Variants in EIF3H observed in about 807,000 individuals in gnomAD.
EIF3H encodes eukaryotic translation initiation factor 3 subunit H, also known as eIF-3-gamma.
EIF3H carries 26 observed loss-of-function variants against 44.2 expected under a neutral mutation model. The ratio of observed to expected loss-of-function variants is 0.59; its 90% CI spans 0.43 to 0.82. The LOEUF (loss-of-function observed/expected upper bound fraction) is 0.82, where lower values mean the gene tolerates loss of function less well. Ranked by LOEUF, EIF3H falls within the 40% of genes least tolerant of loss-of-function variation. The probability of loss-of-function intolerance (pLI) is 0.00; values close to 1 mark genes in which losing one functional copy is unlikely to be tolerated. For missense variants in EIF3H, 359 were observed against 432.8 expected (o/e 0.83, Z 1.51); for synonymous variants, 166 against 151.9 (o/e 1.09, Z -0.68).
chr8:116,711,481 C>T (rs1341220218), intron 2 of EIF3H, among the ~76,000 whole-genome samples: 1 of 152,030 alleles, frequency 6.6e-6, no homozygotes, highest in Non-Finnish European at 1.5e-5. Context: ...ATCCACATTA[C>T]CAATAATCCT....
chr8:116,662,397 T>G (rs1300181758), intron 2 of EIF3H, among the ~76,000 whole-genome samples: 4 of 152,174 alleles, frequency 2.6e-5, no homozygotes, highest in African/African-American at 9.7e-5. Context: ...GAGGCCCAGT[T>G]CTCACCATGA....
chr8:116,743,464 C>T (rs1815163270), intron 1 of EIF3H, among the ~76,000 whole-genome samples: 1 of 148,870 alleles, frequency 6.7e-6, no homozygotes, highest in African/African-American at 2.5e-5. Context: ...AAATAATAGG[C>T]CAGGCACAGT....
intron 2 of EIF3H, among the ~76,000 whole-genome samples, chr8:116,660,516 C>T (rs954812091): frequency 1.3e-5 from 2 of 152,000 alleles, no homozygotes; most frequent in African/African-American, 2.4e-5. Flanking sequence ...ACAAGAATTG[C>T]GTGTTTTTTG....
chr8:116,702,634 C>T (rs1376305735), intron 2 of EIF3H, among the ~76,000 whole-genome samples: 2 of 151,996 alleles, frequency 1.3e-5, no homozygotes. Flanking sequence ...ATAATATAAA[C>T]TGGTCATCAG....
intron 2 of EIF3H, among the ~76,000 whole-genome samples, chr8:116,673,677 T>G (rs910842226): frequency 4.6e-5 from 7 of 152,138 alleles, no homozygotes; most frequent in African/African-American, 7.2e-5. Flanking sequence ...CGTCTCTAAC[T>G]TCGAAGATTC....
At chr8:116,746,046 A>G (rs897289945) in intron 1 of EIF3H, among the ~76,000 whole-genome samples, 3 of 152,168 alleles carry the variant, frequency 2.0e-5, no homozygotes, top group Admixed American at 2.0e-4. Context: ...GATTTTCTTT[A>G]CTATTGATCC....
intron 2 of EIF3H, among the ~76,000 whole-genome samples, chr8:116,698,169 G>A (rs1814302137): frequency 6.6e-6 from 1 of 151,812 alleles, no homozygotes; most frequent in Admixed American, 6.6e-5. Flanking sequence ...CACAGGCAAA[G>A]TAATTATAAA....
rs1161460859 is a variant in EIF3H at position 116,645,120 on chromosome 8, GAGAT to G, written c.962-21_962-18del. The G allele has an allele frequency of 6.3e-7, 1 of 1,586,346 alleles. No individual in the cohort carries two copies. The highest frequency in any genetic ancestry group is 1.7e-5 in the Admixed American group (1 of 59,542). On this transcript the variant is annotated intron_variant, in intron 7 of 7. Coordinates refer to ENST00000521861, the MANE Select transcript of EIF3H (RefSeq NM_003756.3). ...TTATCTGGCCTGTGCATTTGAGAAAGAGATAGAGCCATAATGTTCCACAAATTGT... is the reference window on the plus strand; with the variant it reads ...TTATCTGGCCTGTGCATTTGAGAAAGAGAGCCATAATGTTCCACAAATTGT...
intron 2 of EIF3H, among the ~76,000 whole-genome samples, chr8:116,715,134 C>A (rs879810051): frequency 6.6e-6 from 1 of 152,112 alleles, no homozygotes; most frequent in Non-Finnish European, 1.5e-5. Flanking sequence ...CTGGGAAAAA[C>A]TACTCTAAAT....
chr8:116,673,026 A>AC (rs1554598642), intron 2 of EIF3H, among the ~76,000 whole-genome samples: 22 of 146,428 alleles, frequency 1.5e-4, no homozygotes, highest in East Asian at 4.0e-4. Context: ...AAAAAAAAAC[A>AC]CCACAAAAAA....
intron 5 of EIF3H, among the ~76,000 whole-genome samples, chr8:116,655,431 G>T (rs987303767): frequency 6.6e-6 from 1 of 151,988 alleles, no homozygotes; most frequent in African/African-American, 2.4e-5. Flanking sequence ...CTGAACAAGG[G>T]TAAGTACAAC....
At chr8:116,738,146 TC>T (rs1229399655) in intron 1 of EIF3H, among the ~76,000 whole-genome samples, 3 of 150,040 alleles carry the variant, frequency 2.0e-5, no homozygotes, top group African/African-American at 7.6e-5. Context: ...TCAAAAAGCA[TC>T]AAAAAAAACT....
At chr8:116,665,833 C>G (rs527646864) in intron 2 of EIF3H, among the ~76,000 whole-genome samples, 23 of 152,108 alleles carry the variant, frequency 1.5e-4, no homozygotes, top group Non-Finnish European at 3.1e-4. Flanking sequence ...ACGTTTCAGG[C>G]AATGTTCAAA....
intron 2 of EIF3H, among the ~76,000 whole-genome samples, chr8:116,714,641 A>C (rs958352360): frequency 6.6e-6 from 1 of 152,078 alleles, no homozygotes; most frequent in Non-Finnish European, 1.5e-5. Context: ...AGTAAATTTC[A>C]AAACATGCCC....
chr8:116,707,140 T>C (rs551565759), intron 2 of EIF3H, among the ~76,000 whole-genome samples: 1 of 152,336 alleles, frequency 6.6e-6, no homozygotes, highest in East Asian at 1.9e-4. Flanking sequence ...TGAAAAAGTA[T>C]CTTATTTCTC....
At chr8:116,719,771 G>C (rs140130344) in intron 2 of EIF3H, among the ~76,000 whole-genome samples, 1,464 of 106,118 alleles carry the variant, frequency 0.014, 10 homozygotes, top group Non-Finnish European at 0.021. Flanking sequence ...TGTTGTCTTA[G>C]ATTTTTCACA....
At chr8:116,699,385 C>A (rs1327312063) in intron 2 of EIF3H, among the ~76,000 whole-genome samples, 2 of 152,162 alleles carry the variant, frequency 1.3e-5, no homozygotes, top group African/African-American at 4.8e-5. Context: ...TTAAATCTTG[C>A]TAAAACAGGT....
At chr8:116,741,637 C>T (rs943867147) in intron 1 of EIF3H, among the ~76,000 whole-genome samples, 3 of 152,216 alleles carry the variant, frequency 2.0e-5, no homozygotes, top group African/African-American at 7.2e-5. Context: ...AGTTTTGTAG[C>T]TTCTGGGAGG....
intron 2 of EIF3H, among the ~76,000 whole-genome samples, chr8:116,666,794 C>T (rs988132057): frequency 2.3e-5 from 3 of 130,856 alleles, no homozygotes; most frequent in African/African-American, 9.3e-5. Flanking sequence ...ATGTAATAGG[C>T]TCTTTCATGA....
Sources: gnomAD v4.1 joint callset for allele counts (sites outside exome capture counted in the v4.1 genomes callset) on GRCh38, gnomAD v4.1.1 for gene constraint, MANE v1.5 for transcripts, NCBI Gene and HGNC (gene_info 2026-07-23, HGNC 2026-07-21) for gene names.